The following SLC37A1 variants were observed in gnomAD, a reference collection of about 807,000 sequenced individuals.
SLC37A1 encodes solute carrier family 37 member 1, also known as glucose-6-phosphate exchanger SLC37A1.
In SLC37A1, 49 loss-of-function variants were observed where a neutral mutation model predicts 75.3. That is an observed-to-expected ratio of 0.65 (90% CI 0.52 to 0.83). The LOEUF (loss-of-function observed/expected upper bound fraction) is 0.83. Ranked by LOEUF, SLC37A1 falls within the 40% of genes least tolerant of loss-of-function variation. The pLI is 0.00. For missense variants in SLC37A1, 566 were observed against 695.0 expected, an observed-to-expected ratio of 0.81 and a Z score of 2.09; for synonymous variants, 268 against 292.1, an observed-to-expected ratio of 0.92 and a Z score of 0.84.
intron 2 of SLC37A1, among the ~76,000 whole-genome samples, chr21:42,524,406 C>A (rs980104665): frequency 6.6e-6 from 1 of 152,256 alleles, no homozygotes; most frequent in Non-Finnish European, 1.5e-5. Flanking sequence ...CTGACTCTTT[C>A]GGCTGCTTTT....
chr21:42,539,385 T>C (rs1276587284), intron 5 of SLC37A1, 127 bp from the exon 6 acceptor site: 49 of 1,150,504 alleles, frequency 4.3e-5, no homozygotes, highest in Non-Finnish European at 5.6e-5. Flanking sequence ...TCCTGGAAAT[T>C]GTAAGGCTTG....
intron 2 of SLC37A1, among the ~76,000 whole-genome samples, chr21:42,519,087 C>T (rs1416553657): frequency 2.6e-5 from 4 of 152,200 alleles, no homozygotes; most frequent in Non-Finnish European, 5.9e-5. Context: ...GTCCTGCTGA[C>T]CTCTTCTGGG....
chr21:42,524,157 C>A (rs997875147), intron 2 of SLC37A1, among the ~76,000 whole-genome samples: 8 of 152,084 alleles, frequency 5.3e-5, no homozygotes, highest in African/African-American at 1.7e-4. Flanking sequence ...GTTGGTGGCG[C>A]CATTTGAAGT....
At chr21:42,503,669 C>T (rs1387297505) in intron 2 of SLC37A1, among the ~76,000 whole-genome samples, 1 of 152,154 alleles carries the variant, frequency 6.6e-6, no homozygotes, top group Non-Finnish European at 1.5e-5. Context: ...GTCCTCCTCT[C>T]GTGGCGCTGG....
chr21:42,567,367 CAGAG>C (rs779556206), intron 16 of SLC37A1, among the ~76,000 whole-genome samples: 2 of 152,170 alleles, frequency 1.3e-5, no homozygotes, highest in South Asian at 2.1e-4. Flanking sequence ...GACGCCTCTG[CAGAG>C]AGAGAGGGGC....
intron 3 of SLC37A1, among the ~76,000 whole-genome samples, chr21:42,533,601 C>T (rs573266618): frequency 1.3e-5 from 2 of 151,346 alleles, no homozygotes; most frequent in African/African-American, 4.9e-5. Context: ...CCCACTCAGG[C>T]CCCTCTGCCT....
intron 7 of SLC37A1, 41 bp from the exon 8 acceptor site, chr21:42,543,392 GCTT>G (rs752570084): frequency 1.2e-6 from 2 of 1,613,530 alleles, no homozygotes; most frequent in Non-Finnish European, 1.7e-6. Context: ...ACTCGTTTCA[GCTT>G]CTCAGCTCCA....
At chr21:42,555,322 G>A (rs1481017250) in intron 10 of SLC37A1, among the ~76,000 whole-genome samples, 1 of 152,122 alleles carries the variant, frequency 6.6e-6, no homozygotes, top group African/African-American at 2.4e-5. Flanking sequence ...AGCAGACACA[G>A]GGCCTCTCCT....
At chr21:42,571,522 C>G (rs146126378) in intron 17 of SLC37A1, among the ~76,000 whole-genome samples, 2 of 152,156 alleles carry the variant, frequency 1.3e-5, no homozygotes, top group African/African-American at 4.8e-5. Context: ...AGCGGCGTTC[C>G]GTCCCCCTCC....
chr21:42,534,965 C>G (rs1318377404), intron 4 of SLC37A1, 135 bp downstream of exon 4: 2 of 1,239,612 alleles, frequency 1.6e-6, no homozygotes, highest in African/African-American at 3.0e-5. Context: ...CCAAAAAGCA[C>G]ATGACTTCAC....
Position 42,539,581 on chromosome 21 carries a change from C to T in SLC37A1, c.420C>T (p.Phe140=), listed in dbSNP as rs763266664. 2 of 1,613,946 alleles carry T rather than the reference C, an allele frequency of 1.2e-6. No individual in the cohort carries two copies. The highest frequency in any genetic ancestry group is 1.7e-6 in the Non-Finnish European group (2 of 1,179,980). Residue 140 remains phenylalanine (F), a synonymous_variant, in exon 6 of 20, where the codon TTC becomes TTT. Coordinates refer to ENST00000352133, the MANE Select transcript of SLC37A1 (RefSeq NM_001320537.2). ...TCGGGATGCTCGCCAGCGGAGCCTT[C>T]ACCGCCCTGTTCGGCTTAGGGTATT... ...LTFGMLASGA[F]TALFGLGYFY...
At chr21:42,519,557 T>G (rs1045002067) in intron 2 of SLC37A1, among the ~76,000 whole-genome samples, 6 of 152,210 alleles carry the variant, frequency 3.9e-5, no homozygotes, top group Non-Finnish European at 8.8e-5. Context: ...CGCAAATGCC[T>G]TCTGCTCAAA....
At chr21:42,577,785 C>T (rs1463375211) in intron 18 of SLC37A1, among the ~76,000 whole-genome samples, 2 of 152,228 alleles carry the variant, frequency 1.3e-5, no homozygotes, top group Non-Finnish European at 2.9e-5. Context: ...TTTAAAAATA[C>T]AGGCACTGGT....
At chr21:42,562,016 A>C in intron 11 of SLC37A1, 62 bp from the exon 12 acceptor site, 3 of 1,345,180 alleles carry the variant, frequency 2.2e-6, no homozygotes, top group Non-Finnish European at 3.2e-6. Flanking sequence ...ACTCTGTTGC[A>C]TGTTTACACA....
rs768584523 is a variant in SLC37A1 at position 42,534,845 on chromosome 21, G to A, written c.271+15G>A. On this transcript the variant is annotated intron_variant, in intron 4 of 19. Coordinates refer to ENST00000352133, the MANE Select transcript of SLC37A1 (RefSeq NM_001320537.2). Reference sequence around the variant, plus strand: ...GGCACCGTTTGGTAAGTCGATTATCGGTCCGTCCAGGAGCCGAAGCGGCTG... The same window carrying A: ...GGCACCGTTTGGTAAGTCGATTATCAGTCCGTCCAGGAGCCGAAGCGGCTG... The A allele has an allele frequency of 3.7e-5, 60 of 1,612,250 alleles. No individual in the cohort carries two copies. The highest frequency in any genetic ancestry group is 1.1e-4 in the African/African-American group (8 of 74,896).
chr21:42,504,384 C>T (rs1375473592), intron 2 of SLC37A1, among the ~76,000 whole-genome samples: 1 of 152,122 alleles, frequency 6.6e-6, no homozygotes, highest in Non-Finnish European at 1.5e-5. Flanking sequence ...TTGTTTTCTT[C>T]ACCTTAATCC....
chr21:42,554,220 C>T (rs915939063), intron 10 of SLC37A1, 78 bp downstream of exon 10: 43 of 1,254,640 alleles, frequency 3.4e-5, no homozygotes, highest in Non-Finnish European at 4.2e-5. Flanking sequence ...GGCTCTCTGT[C>T]CCTCTGCCTA....
chr21:42,561,837 T>C (rs1601751100), intron 11 of SLC37A1: 1 of 469,202 alleles, frequency 2.1e-6, no homozygotes, highest in Non-Finnish European at 3.8e-6. Context: ...GGCCCCACCC[T>C]TCTCAGAGGC....
intron 3 of SLC37A1, among the ~76,000 whole-genome samples, chr21:42,530,823 C>T (rs989760741): frequency 1.1e-4 from 16 of 152,266 alleles, no homozygotes; most frequent in East Asian, 3.9e-4. Flanking sequence ...TTGGAGGCCA[C>T]GTACCTGCTG....
Sources: gnomAD v4.1 joint callset for allele counts (sites outside exome capture counted in the v4.1 genomes callset) on GRCh38, gnomAD v4.1.1 for gene constraint, MANE v1.5 for transcripts, NCBI Gene and HGNC (gene_info 2026-07-23, HGNC 2026-07-21) for gene names.